STON2: variants seen among roughly 807,000 people sequenced by gnomAD.
STON2 encodes stonin-2.
In STON2, 29 loss-of-function variants were observed where a neutral mutation model predicts 65.7. The observed-to-expected ratio is 0.44, with a 90% CI of 0.33 to 0.60. The LOEUF is 0.60. STON2 is among the 20% of genes least tolerant of loss of function. The pLI is 0.03. For missense variants in STON2, 1,054 were observed against 1,118.1 expected (o/e 0.94, Z 0.82); for synonymous variants, 404 against 414.2 (o/e 0.98, Z 0.30).
chr14:81,416,599 T>G (rs1406124910), intron 2 of STON2, among the ~76,000 whole-genome samples: 1 of 152,146 alleles, frequency 6.6e-6, no homozygotes, highest in African/African-American at 2.4e-5. Flanking sequence ...CAGTGGAAGG[T>G]GGCAACCTGC....
chr14:81,302,979 G>A (rs967325231), intron 5 of STON2, among the ~76,000 whole-genome samples: 2 of 152,066 alleles, frequency 1.3e-5, no homozygotes, highest in African/African-American at 4.8e-5. Context: ...AAAAATATTT[G>A]CTGAGTTGAT....
At chr14:81,312,779 C>T (rs1440943644) in intron 5 of STON2, among the ~76,000 whole-genome samples, 2 of 152,222 alleles carry the variant, frequency 1.3e-5, no homozygotes, top group South Asian at 4.1e-4. Flanking sequence ...ACCTGCCAAT[C>T]CTTTTGAAAA....
In STON2 at chr14:81,342,801, C is replaced by T. The variant is rs993352382; in HGVS notation, c.572-18614G>A. Among the ~76,000 whole-genome samples the T allele has an allele frequency of 3.9e-5, 6 of 152,062 alleles. No homozygotes were observed. The East Asian group carries it at 5.8e-4, about 15-fold the overall frequency. On this transcript the variant is annotated intron_variant, in intron 4 of 7. Coordinates refer to ENST00000614646, the MANE Select transcript of STON2 (RefSeq NM_001394390.1). ...CATGGGGACAAGTGAAGCCAGAGAG[C>T]GCCAGAACAGAGTCCAAGCCAGGGT...
intron 5 of STON2, among the ~76,000 whole-genome samples, chr14:81,284,535 G>C (rs1479678383): frequency 6.6e-6 from 1 of 152,208 alleles, no homozygotes; most frequent in Non-Finnish European, 1.5e-5. Context: ...GCAGAGGTTG[G>C]TTCATGAGGT....
intron 4 of STON2, among the ~76,000 whole-genome samples, chr14:81,356,368 G>T (rs1055720512): frequency 3.3e-5 from 5 of 152,120 alleles, no homozygotes; most frequent in African/African-American, 9.7e-5. Context: ...CCACTTGATC[G>T]TGGTGGATAA....
At chr14:81,414,424 C>T (rs549683467) in intron 2 of STON2, among the ~76,000 whole-genome samples, 20 of 152,232 alleles carry the variant, frequency 1.3e-4, no homozygotes, top group African/African-American at 4.6e-4. Context: ...AAAGCTCCAT[C>T]CAACCTTTAG....
At chr14:81,383,977 C>G (rs1899662163) in intron 3 of STON2, among the ~76,000 whole-genome samples, 1 of 152,176 alleles carries the variant, frequency 6.6e-6, no homozygotes, top group South Asian at 2.1e-4. Flanking sequence ...CACATTCACT[C>G]TACTCCGGTC....
chr14:81,378,318 C>T (rs942461409), intron 3 of STON2, among the ~76,000 whole-genome samples: 3 of 152,112 alleles, frequency 2.0e-5, no homozygotes, highest in East Asian at 1.9e-4. Context: ...CAGGTTCAAG[C>T]GATCCACCCA....
chr14:81,336,311 T>C (rs957679759), intron 4 of STON2, among the ~76,000 whole-genome samples: 1 of 152,092 alleles, frequency 6.6e-6, no homozygotes, highest in Non-Finnish European at 1.5e-5. Context: ...TGGGTATCCT[T>C]GTTACCACAT....
At position 81,398,285 on chromosome 14, in the gene STON2, C is replaced by CA; in HGVS notation, c.88+9dup. The stretch of plus-strand genomic sequence containing the variant: ...ATCTCTTCACTTTAGGAAACGAAGG[C>CA]ACTCCTTACCCTGCGAGTGGGCAGG... On this transcript the variant is annotated intron_variant, in intron 2 of 7. Transcript: ENST00000614646. 6.2e-7 allele frequency: 1 copy of CA among 1,601,176 alleles called. No individual in the cohort carries two copies. Among genetic ancestry groups the CA allele is most frequent in the Non-Finnish European group, 8.5e-7 (1 of 1,170,746 alleles).
Position 81,349,199 on chromosome 14 carries a change from A to G in STON2, c.571+21789T>C, listed in dbSNP as rs148382574. Among the ~76,000 whole-genome samples, 336 of 152,282 alleles carry G rather than the reference A, an allele frequency of 2.2e-3. 1 individual carries two copies. The highest frequency in any genetic ancestry group is 7.8e-3 in the African/African-American group (325 of 41,568). Reference sequence around the variant, plus strand: ...TCTAGGCAAAGATTTTATGGCTAAGACCTCAAAAGCATAGGCAACAGAAGC... The same window carrying G: ...TCTAGGCAAAGATTTTATGGCTAAGGCCTCAAAAGCATAGGCAACAGAAGC... On this transcript the variant is annotated intron_variant, in intron 4 of 7. Transcript: ENST00000614646.
At chr14:81,323,979 A>G (rs1896914210) in intron 5 of STON2, among the ~76,000 whole-genome samples, 38 bp downstream of exon 5, 1 of 152,202 alleles carries the variant, frequency 6.6e-6, no homozygotes, top group Admixed American at 6.5e-5. Flanking sequence ...CAAAGCAAAT[A>G]AAATGAATGA....
chr14:81,411,819 C>T (rs1349849225), intron 2 of STON2, among the ~76,000 whole-genome samples: 2 of 152,160 alleles, frequency 1.3e-5, no homozygotes, highest in Non-Finnish European at 2.9e-5. Flanking sequence ...AAGTATGAAA[C>T]AAGTCAACCA....
intron 5 of STON2, among the ~76,000 whole-genome samples, chr14:81,299,882 A>T (rs1206396348): frequency 2.6e-5 from 3 of 116,506 alleles, no homozygotes; most frequent in African/African-American, 1.2e-4. Context: ...GATGGAAAAA[A>T]AATTTTTTTT....
At chr14:81,429,044 T>C (rs896634017) in intron 1 of STON2, among the ~76,000 whole-genome samples, 3 of 152,208 alleles carry the variant, frequency 2.0e-5, no homozygotes, top group African/African-American at 7.2e-5. Flanking sequence ...CTTCTTTCAA[T>C]GAAAGCCAGG....
chr14:81,270,756 A>G lies in STON2; in HGVS notation c.2698T>C (p.Ser900Pro). The change falls in exon 7 of 8, where the codon TCC (serine) becomes CCC (proline). Residue 900 changes from serine to proline, a missense_variant. Physicochemically the swap from Ser to Pro is moderately conservative, Grantham distance 74. Coordinates refer to ENST00000614646, the MANE Select transcript of STON2 (RefSeq NM_001394390.1). Reference protein sequence around the residue: ...VEFSMPTTSASKASVRSISVE... With the variant: ...VEFSMPTTSAPKASVRSISVE... ...GAGATAGATCTCACGCTGGCTTTGGAGGCAGAAGTTGTGGGCATGCTGAAC... is the reference window on the plus strand; with the variant it reads ...GAGATAGATCTCACGCTGGCTTTGGGGGCAGAAGTTGTGGGCATGCTGAAC... 6.2e-7 allele frequency: 1 copy of G among 1,614,134 alleles called. No homozygotes were observed. Among genetic ancestry groups the G allele is most frequent in the South Asian group, 1.1e-5 (1 of 91,088 alleles).
At chr14:81,428,036 A>C (rs1595475854) in intron 1 of STON2, among the ~76,000 whole-genome samples, 1 of 152,208 alleles carries the variant, frequency 6.6e-6, no homozygotes, top group East Asian at 1.9e-4. Flanking sequence ...GCTACTCCTT[A>C]GATGAGATGC....
upstream of STON2, among the ~76,000 whole-genome samples, chr14:81,402,621 TAC>T (rs1900661585): frequency 6.6e-6 from 1 of 152,118 alleles, no homozygotes; most frequent in Non-Finnish European, 1.5e-5. Flanking sequence ...CACAGTGAGT[TAC>T]ACTCTGTTCA....
At chr14:81,269,975 C>T in intron 7 of STON2, 1 of 985,416 alleles carries the variant, frequency 1.0e-6, no homozygotes, top group African/African-American at 1.7e-5. Context: ...ACTTCATCAA[C>T]TCTAACTGAA....
Sources: allele counts gnomAD v4.1 joint callset (sites outside exome capture counted in the v4.1 genomes callset), GRCh38; gene constraint gnomAD v4.1.1; transcripts MANE v1.5; gene names NCBI Gene and HGNC (gene_info 2026-07-23, HGNC 2026-07-21).